The following TAF4B variants were observed in gnomAD, a reference collection of about 807,000 sequenced individuals.
TAF4B encodes the protein transcription initiation factor TFIID subunit 4B.
In TAF4B, 38 loss-of-function variants were observed where a neutral mutation model predicts 86.4. That is an observed-to-expected ratio of 0.44 (90% CI 0.34 to 0.58). The LOEUF is 0.58. Ranked by LOEUF, TAF4B falls within the 20% of genes least tolerant of loss-of-function variation. The pLI, the probability that TAF4B is intolerant of heterozygous loss-of-function variation, is 0.02. For missense variants in TAF4B, 988 were observed against 1,027.6 expected, an observed-to-expected ratio of 0.96 and a Z score of 0.53; for synonymous variants, 388 against 391.2, an observed-to-expected ratio of 0.99 and a Z score of 0.10.
In TAF4B at chr18:26,265,241, G is replaced by A. The variant is rs745752584; in HGVS notation, c.415G>A (p.Glu139Lys). The A allele has an allele frequency of 1.5e-5, 24 of 1,614,022 alleles. No individual in the cohort carries two copies. The highest frequency in any genetic ancestry group is 7.7e-5 in the South Asian group (7 of 91,080). Reference protein sequence around the residue: ...VSPQQTVTRAETTSNITSRPA... With the variant: ...VSPQQTVTRAKTTSNITSRPA... ...TCCTCAGCAAACTGTAACAAGAGCC[G>A]AGACCACAAGTAACATAACCTCAAG... The change falls in exon 2 of 15, where the codon GAG (glutamate) becomes AAG (lysine). Residue 139 changes from glutamate to lysine, a missense_variant. Glu to Lys is a moderately conservative substitution (Grantham distance 56). Coordinates refer to ENST00000269142, the MANE Select transcript of TAF4B (RefSeq NM_005640.3).
At chr18:26,351,338 A>G (rs769930036) in intron 13 of TAF4B, among the ~76,000 whole-genome samples, 5 of 152,182 alleles carry the variant, frequency 3.3e-5, no homozygotes, top group Non-Finnish European at 5.9e-5. Context: ...AGTAAAAAGG[A>G]GAACAGAGAA....
intron 1 of TAF4B, among the ~76,000 whole-genome samples, chr18:26,257,750 T>C (rs1388702210): frequency 3.3e-5 from 5 of 152,132 alleles, no homozygotes; most frequent in Non-Finnish European, 7.3e-5. Flanking sequence ...ATGAACCTCA[T>C]TGGAATCTCC....
chr18:26,363,064 G>T (rs2057343046), intron 14 of TAF4B, among the ~76,000 whole-genome samples: 1 of 152,104 alleles, frequency 6.6e-6, no homozygotes, highest in Non-Finnish European at 1.5e-5. Context: ...AGGGACTTGA[G>T]CGTCTTTGGT....
At chr18:26,280,474 C>T (rs1245725878) in intron 5 of TAF4B, among the ~76,000 whole-genome samples, 2 of 151,732 alleles carry the variant, frequency 1.3e-5, no homozygotes, top group African/African-American at 2.4e-5. Context: ...AAGAAAAAAC[C>T]CCATTAAAAA....
intron 3 of TAF4B, among the ~76,000 whole-genome samples, chr18:26,272,035 C>G (rs537331099): frequency 6.6e-6 from 1 of 151,866 alleles, no homozygotes; most frequent in Non-Finnish European, 1.5e-5. Context: ...TAGCAGGCCC[C>G]CATCTCACAA....
intron 1 of TAF4B, among the ~76,000 whole-genome samples, chr18:26,227,606 A>G (rs1013351682): frequency 1.3e-5 from 2 of 152,206 alleles, no homozygotes; most frequent in Non-Finnish European, 2.9e-5. Flanking sequence ...GGATTTCCAT[A>G]CGCTTAGATT....
In TAF4B at chr18:26,286,244, G is replaced by A. The variant is rs759408868; in HGVS notation, c.1335G>A (p.Val445=). 13 of 1,614,186 alleles carry A rather than the reference G, an allele frequency of 8.1e-6. No homozygotes were observed. The South Asian group carries it at 1.4e-4, about 18-fold the overall frequency. Residue 445 remains valine (V), a synonymous_variant, in exon 7 of 15, where the codon GTG becomes GTA. Transcript: ENST00000269142. Reference sequence around the variant, plus strand: ...TTGTGACATCTGTGGCAAACACAGTGACCACGGTCTCACTGCAACCTGAAA... The same window carrying A: ...TTGTGACATCTGTGGCAAACACAGTAACCACGGTCTCACTGCAACCTGAAA... The part of the protein sequence containing the change: ...KPLVTSVANT[V]TTVSLQPEKP...
In TAF4B at chr18:26,391,635, G is replaced by A. The variant is rs1978716320; in HGVS notation, c.*1623G>A. 6.6e-6 allele frequency: 1 copy of A among 152,120 alleles called. No individual in the cohort carries two copies. Among genetic ancestry groups the A allele is most frequent in the Admixed American group, 6.5e-5 (1 of 15,282 alleles). The allele number at this position is 152,120 out of a possible 1,614,324, so 9.4% of individuals were successfully genotyped here. ...TTGTGTATAATCTTACTGATCAGATGTTTAAAATTATTCCAAATACTTCAT... is the reference window on the plus strand; with the variant it reads ...TTGTGTATAATCTTACTGATCAGATATTTAAAATTATTCCAAATACTTCAT... On this transcript the variant is annotated 3_prime_UTR_variant, in exon 15 of 15. Coordinates refer to ENST00000269142, the MANE Select transcript of TAF4B (RefSeq NM_005640.3).
intron 9 of TAF4B, among the ~76,000 whole-genome samples, chr18:26,298,961 A>T (rs1180333745): frequency 6.9e-6 from 1 of 144,544 alleles, no homozygotes; most frequent in Non-Finnish European, 1.5e-5. Flanking sequence ...TCCCGGGTTC[A>T]AGTGATTCTC....
intron 10 of TAF4B, among the ~76,000 whole-genome samples, chr18:26,316,947 T>C (rs2056917889): frequency 6.6e-6 from 1 of 152,032 alleles, no homozygotes; most frequent in Non-Finnish European, 1.5e-5. Flanking sequence ...GTAGCTTAAC[T>C]CCTTATTGCC....
At chr18:26,296,290 C>A (rs752357425) in intron 9 of TAF4B, among the ~76,000 whole-genome samples, 1 of 152,128 alleles carries the variant, frequency 6.6e-6, no homozygotes, top group African/African-American at 2.4e-5. Flanking sequence ...TTTATTCCTT[C>A]CAAGAATCTG....
At chr18:26,360,649 G>C (rs2057322053) in intron 14 of TAF4B, among the ~76,000 whole-genome samples, 1 of 152,110 alleles carries the variant, frequency 6.6e-6, no homozygotes, top group African/African-American at 2.4e-5. Context: ...TGTGTATTTA[G>C]CTTTAGTCCC....
intron 9 of TAF4B, among the ~76,000 whole-genome samples, chr18:26,299,114 G>C (rs145919695): frequency 6.6e-6 from 1 of 151,628 alleles, no homozygotes; most frequent in Non-Finnish European, 1.5e-5. Flanking sequence ...GCCTGCCTCG[G>C]CCTCCCAAAG....
intron 13 of TAF4B, among the ~76,000 whole-genome samples, chr18:26,350,526 G>T (rs976144554): frequency 1.3e-5 from 2 of 152,052 alleles, no homozygotes; most frequent in African/African-American, 4.8e-5. Flanking sequence ...AAAACTGAAG[G>T]TTAGCCAGGT....
chr18:26,322,491 A>AT (rs972392409), intron 11 of TAF4B, among the ~76,000 whole-genome samples: 2 of 152,174 alleles, frequency 1.3e-5, no homozygotes, highest in South Asian at 2.1e-4. Context: ...GTTTCTAGGA[A>AT]TTTTTTCATT....
At chr18:26,300,106 T>A (rs2056712645) in intron 9 of TAF4B, among the ~76,000 whole-genome samples, 1 of 151,988 alleles carries the variant, frequency 6.6e-6, no homozygotes, top group South Asian at 2.1e-4. Context: ...CTCAGCCTTA[T>A]GAGCAGCTGG....
intron 14 of TAF4B, among the ~76,000 whole-genome samples, chr18:26,372,378 G>A (rs2057411505): frequency 6.6e-6 from 1 of 152,132 alleles, no homozygotes; most frequent in Non-Finnish European, 1.5e-5. Flanking sequence ...TTCAATTGCA[G>A]GTATTTTTTC....
chr18:26,235,777 T>C (rs1466812468), intron 1 of TAF4B, among the ~76,000 whole-genome samples: 1 of 152,302 alleles, frequency 6.6e-6, no homozygotes, highest in Middle Eastern at 3.4e-3. Context: ...CTGCTTCTTC[T>C]GGTATTTGAG....
At chr18:26,282,493 TAA>T (rs1260454536) in intron 6 of TAF4B, among the ~76,000 whole-genome samples, 2 of 152,224 alleles carry the variant, frequency 1.3e-5, no homozygotes, top group Non-Finnish European at 2.9e-5. Flanking sequence ...ATATGCTAAT[TAA>T]AAAATATTTT....
Sources: gnomAD v4.1 joint callset for allele counts (sites outside exome capture counted in the v4.1 genomes callset) on GRCh38, gnomAD v4.1.1 for gene constraint, MANE v1.5 for transcripts, NCBI Gene and HGNC (gene_info 2026-07-23, HGNC 2026-07-21) for gene names.